The following PRKD3 variants were observed in gnomAD, a reference collection of about 807,000 sequenced individuals.
PRKD3 encodes serine/threonine-protein kinase D3.
PRKD3 carries 47 observed loss-of-function variants against 99.2 expected under a neutral mutation model. The observed-to-expected ratio is 0.47, with a 90% CI of 0.38 to 0.60. PRKD3 has a LOEUF of 0.60. Among genes scored for constraint, PRKD3 ranks in the 20% least tolerant of loss-of-function variants. The pLI, the probability that PRKD3 is intolerant of heterozygous loss-of-function variation, is 0.00. For missense variants in PRKD3, 1,019 were observed against 1,088.4 expected, an observed-to-expected ratio of 0.94 and a Z score of 0.90; for synonymous variants, 392 against 355.4, an observed-to-expected ratio of 1.10 and a Z score of -1.16.
chr2:37,298,535 T>C (rs542050684), intron 2 of PRKD3, among the ~76,000 whole-genome samples: 1 of 152,314 alleles, frequency 6.6e-6, no homozygotes, highest in South Asian at 2.1e-4. Flanking sequence ...GCCTACTTCA[T>C]AAAATTATCA....
chr2:37,262,109 A>C (rs1341781603), intron 14 of PRKD3, among the ~76,000 whole-genome samples: 3 of 152,088 alleles, frequency 2.0e-5, no homozygotes, highest in Non-Finnish European at 4.4e-5. Context: ...GTTTATGGAG[A>C]TATGACCCCG....
intron 2 of PRKD3, among the ~76,000 whole-genome samples, chr2:37,314,114 A>G (rs1163959385): frequency 2.6e-5 from 4 of 152,162 alleles, no homozygotes; most frequent in Non-Finnish European, 5.9e-5. Context: ...TTTCTCGAGA[A>G]AAGATAAGAG....
intron 18 of PRKD3, 52 bp downstream of exon 18, chr2:37,254,150 CAG>C: frequency 2.3e-6 from 3 of 1,330,238 alleles, no homozygotes; most frequent in Non-Finnish European, 3.2e-6. Context: ...TGGGACAAAT[CAG>C]AGTGAACTAC....
At chr2:37,279,606 G>T in intron 8 of PRKD3, 140 bp downstream of exon 8, 1 of 499,550 alleles carries the variant, frequency 2.0e-6, no homozygotes, top group Non-Finnish European at 3.3e-6. Context: ...ATACTACATT[G>T]CATGTAAAAG....
At chr2:37,298,962 T>A (rs1467112106) in intron 2 of PRKD3, among the ~76,000 whole-genome samples, 1 of 151,820 alleles carries the variant, frequency 6.6e-6, no homozygotes, top group African/African-American at 2.4e-5. Flanking sequence ...CAGTATTATG[T>A]TGAACAAAAG....
intron 12 of PRKD3, among the ~76,000 whole-genome samples, chr2:37,270,320 C>T (rs572217091): frequency 1.4e-5 from 2 of 145,228 alleles, no homozygotes; most frequent in South Asian, 4.4e-4. Flanking sequence ...CCTATTTTAC[C>T]TTTAAGGAGA....
At chr2:37,307,621 C>A (rs1671221234) in intron 2 of PRKD3, among the ~76,000 whole-genome samples, 1 of 152,140 alleles carries the variant, frequency 6.6e-6, no homozygotes, top group South Asian at 2.1e-4. Flanking sequence ...TAAGACATCT[C>A]TGAGGATAAA....
rs371370192 is a variant in PRKD3, at chr2:37,267,628, T to G, written c.1778-92A>C. On this transcript the variant is annotated intron_variant, in intron 13 of 18. Transcript: ENST00000234179. Reference sequence around the variant, plus strand: ...GACTGAAATTTATATGTATTTACTCTTGAATTTTCTTTTTGGCTCATTTTT... The same window carrying G: ...GACTGAAATTTATATGTATTTACTCGTGAATTTTCTTTTTGGCTCATTTTT... The G allele has an allele frequency of 3.9e-5, 37 of 943,072 alleles. No homozygotes were observed. In the African/African-American group the frequency reaches 5.9e-4, roughly 15 times the overall value. The allele number at this position is 943,072 out of a possible 1,614,324, so 58.4% of individuals were successfully genotyped here.
At chr2:37,292,349 C>T (rs1358027117) in intron 3 of PRKD3, among the ~76,000 whole-genome samples, 6 of 150,030 alleles carry the variant, frequency 4.0e-5, no homozygotes, top group Admixed American at 4.0e-4. Context: ...CTGATTTTTT[C>T]CTTTTTTTTT....
intron 6 of PRKD3, among the ~76,000 whole-genome samples, chr2:37,285,401 G>A (rs186160746): frequency 4.3e-4 from 65 of 152,236 alleles, no homozygotes; most frequent in South Asian, 1.0e-3. Flanking sequence ...AGTGTGCTGG[G>A]TTAGTATCCA....
intron 6 of PRKD3, among the ~76,000 whole-genome samples, chr2:37,285,455 G>A (rs777613326): frequency 7.9e-5 from 12 of 151,842 alleles, no homozygotes; most frequent in African/African-American, 1.2e-4. Flanking sequence ...CTTTTATTAC[G>A]TCCTACCTAT....
chr2:37,312,961 TTGAC>T (rs1340109040), intron 2 of PRKD3, among the ~76,000 whole-genome samples: 1 of 152,124 alleles, frequency 6.6e-6, no homozygotes, highest in African/African-American at 2.4e-5. Flanking sequence ...ATAACAATAA[TTGAC>T]TGCATGTAGA....
intron 2 of PRKD3, among the ~76,000 whole-genome samples, chr2:37,294,806 G>A (rs991704872): frequency 4.6e-5 from 7 of 152,300 alleles, no homozygotes; most frequent in African/African-American, 1.7e-4. Context: ...CAGATGCACT[G>A]GCTCATGCCT....
At chr2:37,269,491 A>C (rs1669074644) in intron 13 of PRKD3, 124 bp downstream of exon 13, 1 of 758,810 alleles carries the variant, frequency 1.3e-6, no homozygotes, top group African/African-American at 1.7e-5. Flanking sequence ...GAAAGATAAC[A>C]AGTCAGCCTT....
Position 37,253,152 on chromosome 2 carries a change from T to A in PRKD3, c.*25A>T. On this transcript the variant is annotated 3_prime_UTR_variant, in exon 19 of 19. Transcript: ENST00000234179. ...AATATCAGTCCATAAAATGAAATCC[T>A]TCCTTATTTAGGTTAGCTCAGTGAT... 1.3e-6 allele frequency: 2 copies of A among 1,565,134 alleles called. No individual in the cohort carries two copies. The highest frequency in any genetic ancestry group is 2.3e-5 in the South Asian group (2 of 85,662).
chr2:37,291,731 T>A (rs900140410), intron 3 of PRKD3, among the ~76,000 whole-genome samples: 4 of 151,950 alleles, frequency 2.6e-5, no homozygotes, highest in Non-Finnish European at 4.4e-5. Context: ...AAATATAAGA[T>A]GAGAGGAGTG....
intron 13 of PRKD3, chr2:37,267,819 T>A (rs1668947307): frequency 3.0e-6 from 1 of 331,434 alleles, no homozygotes; most frequent in African/African-American, 2.2e-5. Context: ...TCAATGATAG[T>A]TAATTACCCT....
intron 18 of PRKD3, among the ~76,000 whole-genome samples, chr2:37,253,568 G>C (rs1362997627): frequency 1.3e-5 from 2 of 152,024 alleles, no homozygotes; most frequent in African/African-American, 4.8e-5. Flanking sequence ...ATGAATGAAC[G>C]TAACTAATTT....
chr2:37,302,591 G>A (rs1572690412), intron 2 of PRKD3, among the ~76,000 whole-genome samples: 2 of 152,180 alleles, frequency 1.3e-5, no homozygotes, highest in East Asian at 3.8e-4. Flanking sequence ...TCGTTAAAAT[G>A]CTGTCAGTAA....
Sources: gnomAD v4.1 joint callset for allele counts (sites outside exome capture counted in the v4.1 genomes callset) on GRCh38, gnomAD v4.1.1 for gene constraint, MANE v1.5 for transcripts, NCBI Gene and HGNC (gene_info 2026-07-23, HGNC 2026-07-21) for gene names.